Variants in CFAP92 observed in about 807,000 individuals in gnomAD.
CFAP92 encodes cilia and flagella associated protein 92 (putative), also known as uncharacterized protein CFAP92.
Under a neutral mutation model 106.3 loss-of-function variants are expected in CFAP92, and 86 were observed. The ratio of observed to expected loss-of-function variants is 0.81; its 90% CI spans 0.68 to 0.97. The LOEUF (loss-of-function observed/expected upper bound fraction) is 0.97, where lower values mean the gene tolerates loss of function less well. Among genes scored for constraint, CFAP92 ranks in the 50% least tolerant of loss-of-function variants. The pLI, the probability that CFAP92 is intolerant of heterozygous loss-of-function variation, is 0.00. For synonymous variants in CFAP92, 477 were observed against 506.4 expected (o/e 0.94, Z 0.78); for missense variants, 1,204 against 1,283.8 (o/e 0.94, Z 0.95).
intron 15 of CFAP92, chr3:128,912,550 G>A: frequency 6.2e-7 from 1 of 1,614,168 alleles, no homozygotes. Flanking sequence ...AAGTGTCCCA[G>A]CAGATCCTTG....
At chr3:128,989,024 C>T in intron 2 of CFAP92, 106 bp from the exon 3 acceptor site, 3 of 824,368 alleles carry the variant, frequency 3.6e-6, no homozygotes, top group Non-Finnish European at 5.7e-6. Flanking sequence ...GAGCACTCCA[C>T]ATTGCCTGCC....
the CFAP92 span, among the ~76,000 whole-genome samples, chr3:129,021,922 C>T: frequency 6.6e-6 from 1 of 152,040 alleles, no homozygotes; most frequent in Non-Finnish European, 1.5e-5. Context: ...GGGCATATTA[C>T]GTATTCAGCT....
intron 4 of CFAP92, among the ~76,000 whole-genome samples, chr3:128,980,894 T>C (rs1559926716): frequency 6.6e-6 from 1 of 152,148 alleles, no homozygotes; most frequent in Non-Finnish European, 1.5e-5. Flanking sequence ...CACTGAAGAC[T>C]TGAACCCTTC....
intron 10 of CFAP92, among the ~76,000 whole-genome samples, chr3:128,942,378 C>T (rs988475385): frequency 7.9e-5 from 12 of 152,218 alleles, no homozygotes; most frequent in Non-Finnish European, 1.8e-4. Context: ...CTCGCCCCAG[C>T]CCTGGCGGCC....
chr3:128,927,993 C>G (rs1937880982), intron 12 of CFAP92, among the ~76,000 whole-genome samples: 1 of 152,182 alleles, frequency 6.6e-6, no homozygotes, highest in Non-Finnish European at 1.5e-5. Flanking sequence ...TGGCTCAAGC[C>G]TGTAATCCCA....
At chr3:128,917,285 T>C (rs1180534762) in intron 12 of CFAP92, among the ~76,000 whole-genome samples, 3 of 152,232 alleles carry the variant, frequency 2.0e-5, no homozygotes, top group African/African-American at 7.2e-5. Context: ...TCTGAGTTTC[T>C]CAGTTAGCCA....
rs144678686 is a variant in CFAP92 at position 129,001,481 on chromosome 3, G to A, written n.117+1093C>T. 2,254 of 1,232,464 alleles carry A rather than the reference G, an allele frequency of 1.8e-3. 32 individuals carry two copies. In the African/African-American group the frequency reaches 0.032, roughly 17 times the overall value. The allele number at this position is 1,232,464 out of a possible 1,614,324, so 76.3% of individuals were successfully genotyped here. The stretch of plus-strand genomic sequence containing the variant: ...AAACCAGACGCACTGTGAGGCCAGC[G>A]CAGCTGCTGGACACGGTCCCCGGCG... On this transcript the variant is annotated intron_variant and non_coding_transcript_variant, in intron 1 of 4. Transcript: ENST00000510149.
chr3:128,914,448 G>A (rs967789377), intron 15 of CFAP92, among the ~76,000 whole-genome samples: 22 of 152,204 alleles, frequency 1.4e-4, no homozygotes, highest in African/African-American at 4.1e-4. Flanking sequence ...CTTAGGAGTC[G>A]AGGAGGAGAG....
upstream of CFAP92, among the ~76,000 whole-genome samples, chr3:129,005,145 G>A (rs891349749): frequency 7.9e-5 from 12 of 152,190 alleles, no homozygotes; most frequent in Non-Finnish European, 1.8e-4. Flanking sequence ...ATGTGACCAC[G>A]TGACTAGGAC....
intron 10 of CFAP92, among the ~76,000 whole-genome samples, chr3:128,937,075 C>T (rs1263485771): frequency 6.6e-6 from 1 of 151,974 alleles, no homozygotes; most frequent in South Asian, 2.1e-4. Context: ...TCGAGGTGGG[C>T]AGGTTGCTTG....
chr3:129,025,966 G>C, the CFAP92 span, among the ~76,000 whole-genome samples: 1 of 152,218 alleles, frequency 6.6e-6, no homozygotes, highest in Admixed American at 6.5e-5. Context: ...CCTGGCATGT[G>C]GGCCTGGAGC....
intron 9 of CFAP92, among the ~76,000 whole-genome samples, chr3:128,950,283 C>T (rs1187300293): frequency 6.6e-6 from 1 of 152,200 alleles, no homozygotes; most frequent in Admixed American, 6.5e-5. Context: ...CCACCAACGC[C>T]CCACTCAGAT....
upstream of CFAP92, among the ~76,000 whole-genome samples, chr3:129,004,824 T>A (rs1425943990): frequency 6.6e-6 from 1 of 152,054 alleles, no homozygotes; most frequent in Non-Finnish European, 1.5e-5. Context: ...CTGTGCTAGC[T>A]CCACCAGGGC....
chr3:128,976,325 A>AG (rs1395092197), intron 6 of CFAP92, among the ~76,000 whole-genome samples: 1 of 152,232 alleles, frequency 6.6e-6, no homozygotes, highest in African/African-American at 2.4e-5. Flanking sequence ...AAAGGACATA[A>AG]GGGGGGTCTG....
chr3:128,934,235 T>C (rs1254290955), intron 11 of CFAP92, among the ~76,000 whole-genome samples: 1 of 152,178 alleles, frequency 6.6e-6, no homozygotes, highest in African/African-American at 2.4e-5. Flanking sequence ...AGCTGCTCAA[T>C]GAGGGAATGG....
At chr3:128,930,572 G>A (rs865854887) in intron 12 of CFAP92, among the ~76,000 whole-genome samples, 29 of 151,740 alleles carry the variant, frequency 1.9e-4, no homozygotes, top group African/African-American at 5.3e-4. Context: ...GCAACATGGC[G>A]AAACCCCATC....
chr3:128,959,401 GTGT>G (rs1167927234), intron 9 of CFAP92, among the ~76,000 whole-genome samples: 11 of 152,082 alleles, frequency 7.2e-5, no homozygotes, highest in Non-Finnish European at 1.3e-4. Context: ...TACCAGTCAT[GTGT>G]AAGGATAAAA....
At chr3:128,930,182 G>C (rs149361203) in intron 12 of CFAP92, among the ~76,000 whole-genome samples, 1 of 151,848 alleles carries the variant, frequency 6.6e-6, no homozygotes, top group Non-Finnish European at 1.5e-5. Flanking sequence ...ATGGAGTCTC[G>C]CTCTGTCGCC....
At chr3:128,946,921 C>G (rs998892786) in intron 9 of CFAP92, among the ~76,000 whole-genome samples, 1 of 152,120 alleles carries the variant, frequency 6.6e-6, no homozygotes, top group African/African-American at 2.4e-5. Flanking sequence ...AAGGTAAAAC[C>G]TATTGTATTT....
Sources: allele counts gnomAD v4.1 joint callset (sites outside exome capture counted in the v4.1 genomes callset), GRCh38; gene constraint gnomAD v4.1.1; transcripts MANE v1.5; gene names NCBI Gene and HGNC (gene_info 2026-07-23, HGNC 2026-07-21).